Variants in KTI12 observed in about 807,000 individuals in gnomAD.
The protein encoded by KTI12 is KTI12 chromatin associated homolog.
Under a neutral mutation model 8.8 loss-of-function variants are expected in KTI12, and 8 were observed. That is an observed-to-expected ratio of 0.91 (90% CI 0.53 to 1.64). The LOEUF (loss-of-function observed/expected upper bound fraction) is 1.64, where lower values mean the gene tolerates loss of function less well. Ranked by LOEUF, KTI12 falls within the 40% of genes most tolerant of loss-of-function variation. The probability of loss-of-function intolerance (pLI) is 0.00; values close to 1 mark genes in which losing one functional copy is unlikely to be tolerated. For missense variants in KTI12, 490 were observed against 492.1 expected, an observed-to-expected ratio of 1.00 and a Z score of 0.04; for synonymous variants, 216 against 220.1, an observed-to-expected ratio of 0.98 and a Z score of 0.17.
Position 52,032,983 on chromosome 1 carries a change from G to A in KTI12, c.779C>T (p.Thr260Met). ...ENRAPPPHQS[T>M]QSQPLASGSF... is the part of the protein sequence containing the mutation. ...GCCGGAGGCGAGGGGCTGGGACTGC[G>A]TAGACTGATGGGGTGGTGGGGCCCG... The change falls in exon 1 of 1, where the codon ACG becomes ATG. Residue 260 changes from threonine (T) to methionine (M), a missense_variant. Physicochemically the swap from Thr to Met is moderately conservative, Grantham distance 81. Transcript: ENST00000371614. The A allele has an allele frequency of 1.9e-6, 3 of 1,570,656 alleles. No individual in the cohort carries two copies. The highest frequency in any genetic ancestry group is 2.6e-6 in the Non-Finnish European group (3 of 1,160,692).
chr1:52,032,270 T>C lies in KTI12; in HGVS notation c.*427A>G. 1 of 991,298 alleles carries C rather than the reference T, an allele frequency of 1.0e-6. No homozygotes were observed. The highest frequency in any genetic ancestry group is 1.2e-6 in the Non-Finnish European group (1 of 834,040). The allele number at this position is 991,298 out of a possible 1,614,324, so 61.4% of individuals were successfully genotyped here. A position where few individuals can be genotyped will look rare whatever the true frequency, so the allele number is the denominator to read the frequency against. On this transcript the variant is annotated 3_prime_UTR_variant, in exon 1 of 1. Coordinates refer to ENST00000371614, the MANE Select transcript of KTI12 (RefSeq NM_138417.3). ...GTACAGTACTCAAAAAATACTTTTG[T>C]GGTATGAAAAAAGGGCAGGTGCAGA...
rs1685803850 is a variant in KTI12, at chr1:52,033,126, T to C, written c.636A>G (p.Leu212=). ...AATCGGGAGCCTCAAAGCGCAGCGTTAGGGCCTCCAGGAGTTCGGGAGAGT... is the reference window on the plus strand; with the variant it reads ...AATCGGGAGCCTCAAAGCGCAGCGTCAGGGCCTCCAGGAGTTCGGGAGAGT... ...AFYSPELLEA[L]TLRFEAPDSR... The change falls in exon 1 of 1, where the codon CTA becomes CTG. Residue 212 remains leucine (L), a synonymous_variant. Coordinates refer to ENST00000371614, the MANE Select transcript of KTI12 (RefSeq NM_138417.3). The C allele has an allele frequency of 6.2e-7, 1 of 1,614,028 alleles. No homozygotes were observed. The highest frequency in any genetic ancestry group is 8.5e-7 in the Non-Finnish European group (1 of 1,180,008).
chr1:52,033,185 C>G lies in KTI12; in HGVS notation c.577G>C (p.Glu193Gln), dbSNP rs1359926865. 1 of 1,614,252 alleles carries G rather than the reference C, an allele frequency of 6.2e-7. No homozygotes were observed. Among genetic ancestry groups the G allele is most frequent in the South Asian group, 1.1e-5 (1 of 91,086 alleles). The change falls in exon 1 of 1, where the codon GAG becomes CAG. Residue 193 changes from glutamate to glutamine, a missense_variant. Physicochemically the swap from Glu to Gln is conservative, Grantham distance 29. Coordinates refer to ENST00000371614, the MANE Select transcript of KTI12 (RefSeq NM_138417.3). ...ESPALVTPDS[E>Q]KSAKHGSGAF... is the part of the protein sequence containing the mutation. ...CCGGACCCATGCTTTGCAGATTTCTCTGAATCCGGAGTCACAAGAGCTGGA... is the reference window on the plus strand; with the variant it reads ...CCGGACCCATGCTTTGCAGATTTCTGTGAATCCGGAGTCACAAGAGCTGGA...
rs1001940561 is a variant in KTI12, at chr1:52,032,566, G to C, written c.*131C>G. 1.6e-5 allele frequency: 22 copies of C among 1,413,718 alleles called. No individual in the cohort carries two copies. Among genetic ancestry groups the C allele is most frequent in the Middle Eastern group, 2.6e-4 (1 of 3,858 alleles). The allele number at this position is 1,413,718 out of a possible 1,614,324, so 87.6% of individuals were successfully genotyped here. A position where few individuals can be genotyped will look rare whatever the true frequency, so the allele number is the denominator to read the frequency against. On this transcript the variant is annotated 3_prime_UTR_variant, in exon 1 of 1. Transcript: ENST00000371614. ...GGCACAGGGGTATGCAGGAAAGTTTGAGTGAATCAGTCACAACAGCTCTAG... is the reference window on the plus strand; with the variant it reads ...GGCACAGGGGTATGCAGGAAAGTTTCAGTGAATCAGTCACAACAGCTCTAG...
rs752332612 is a variant in KTI12, at chr1:52,032,979, C to A, written c.783G>T (p.Gln261His). 1.9e-6 allele frequency: 3 copies of A among 1,568,320 alleles called. No homozygotes were observed. Among genetic ancestry groups the A allele is most frequent in the African/African-American group, 1.4e-5 (1 of 73,488 alleles). The change falls in exon 1 of 1, where the codon CAG becomes CAT. Residue 261 changes from glutamine to histidine, a missense_variant. Transcript: ENST00000371614. ...AGCTGCCGGAGGCGAGGGGCTGGGA[C>A]TGCGTAGACTGATGGGGTGGTGGGG... The part of the protein sequence containing the change: ...NRAPPPHQST[Q>H]SQPLASGSFL...
Position 52,033,449 on chromosome 1 carries a change from C to T in KTI12, c.313G>A (p.Val105Ile). Reference sequence around the variant, plus strand: ...GGGCCGCCGGGCCGTACGCAGTAGACCAGGCAGAGCGGGGTGCGCGCCGCC... The same window carrying T: ...GGGCCGCCGGGCCGTACGCAGTAGATCAGGCAGAGCGGGGTGCGCGCCGCC... The part of the protein sequence containing the change: ...ARAARTPLCL[V>I]YCVRPGGPIA... The change falls in exon 1 of 1, where the codon GTC becomes ATC. Residue 105 changes from valine (V) to isoleucine (I), a missense_variant. Transcript: ENST00000371614. The T allele has an allele frequency of 6.2e-7, 1 of 1,613,074 alleles. No homozygotes were observed. Among genetic ancestry groups the T allele is most frequent in the Non-Finnish European group, 8.5e-7 (1 of 1,179,516 alleles).
chr1:52,032,590 A>C lies in KTI12; in HGVS notation c.*107T>G. 1 of 1,473,166 alleles carries C rather than the reference A, an allele frequency of 6.8e-7. No individual in the cohort carries two copies. The highest frequency in any genetic ancestry group is 9.0e-7 in the Non-Finnish European group (1 of 1,115,500). The allele number at this position is 1,473,166 out of a possible 1,614,324, so 91.3% of individuals were successfully genotyped here. A position where few individuals can be genotyped will look rare whatever the true frequency, so the allele number is the denominator to read the frequency against. On this transcript the variant is annotated 3_prime_UTR_variant, in exon 1 of 1. Coordinates refer to ENST00000371614, the MANE Select transcript of KTI12 (RefSeq NM_138417.3). ...TGAGTGAATCAGTCACAACAGCTCT[A>C]GTACAGTACTGCATCGATATGCTCT...
rs1027692604 is a variant in KTI12, at chr1:52,032,648, A to G, written c.*49T>C. On this transcript the variant is annotated 3_prime_UTR_variant, in exon 1 of 1. Coordinates refer to ENST00000371614, the MANE Select transcript of KTI12 (RefSeq NM_138417.3). ...TGCAGCCTATTTTTCCCAGAGAAAT[A>G]AAGTGGAGTGGAGATCAGAAGCCAT... is the stretch of plus-strand genomic sequence containing the variant. 3.3e-6 allele frequency: 5 copies of G among 1,537,386 alleles called. No individual in the cohort carries two copies. Among genetic ancestry groups the G allele is most frequent in the Middle Eastern group, 1.8e-4 (1 of 5,558 alleles).
In KTI12 at chr1:52,033,501, G is replaced by A; in HGVS notation, c.261C>T (p.Phe87=). ...GTGCCAGGCAGTAGAGCTCGTAACG[G>A]AAACCTTTGATGTAGTTAAGCGAGT... is the stretch of plus-strand genomic sequence containing the variant. ...ILDSLNYIKG[F]RYELYCLARA... The change falls in exon 1 of 1, where the codon TTC becomes TTT. Residue 87 remains phenylalanine (F), a synonymous_variant. Transcript: ENST00000371614. The A allele has an allele frequency of 6.2e-7, 1 of 1,613,934 alleles. No individual in the cohort carries two copies. Among genetic ancestry groups the A allele is most frequent in the South Asian group, 1.1e-5 (1 of 91,090 alleles).
Position 52,033,207 on chromosome 1 carries a change from T to G in KTI12, c.555A>C (p.Pro185=), listed in dbSNP as rs1447291382. ...TCTCTGAATCCGGAGTCACAAGAGCTGGAGACTCCGCAGCCCCGGATTCTT... is the reference window on the plus strand; with the variant it reads ...TCTCTGAATCCGGAGTCACAAGAGCGGGAGACTCCGCAGCCCCGGATTCTT... The part of the protein sequence containing the change: ...EREESGAAES[P]ALVTPDSEKS... Residue 185 remains proline (P), a synonymous_variant, in exon 1 of 1, where the codon CCA becomes CCC. Coordinates refer to ENST00000371614, the MANE Select transcript of KTI12 (RefSeq NM_138417.3). 6.2e-7 allele frequency: 1 copy of G among 1,614,226 alleles called. No homozygotes were observed. The highest frequency in any genetic ancestry group is 1.1e-5 in the South Asian group (1 of 91,090).
At position 52,033,104 on chromosome 1, in the gene KTI12, C is replaced by T. The variant is rs1344606450; in HGVS notation, c.658G>A (p.Asp220Asn). The T allele has an allele frequency of 1.2e-6, 2 of 1,611,388 alleles. No individual in the cohort carries two copies. The highest frequency in any genetic ancestry group is 1.7e-5 in the Admixed American group (1 of 59,104). ...EALTLRFEAP[D>N]SRNRWDRPLF... is the part of the protein sequence containing the mutation. Reference sequence around the variant, plus strand: ...GGCCGGTCCCAGCGATTCCGAGAATCGGGAGCCTCAAAGCGCAGCGTTAGG... The same window carrying T: ...GGCCGGTCCCAGCGATTCCGAGAATTGGGAGCCTCAAAGCGCAGCGTTAGG... Residue 220 changes from aspartate to asparagine, a missense_variant, in exon 1 of 1, where the codon GAT becomes AAT. Transcript: ENST00000371614.
rs979654461 is a variant in KTI12 at position 52,033,116 on chromosome 1, A to C, written c.646T>G (p.Phe216Val). The C allele has an allele frequency of 6.2e-7, 1 of 1,613,114 alleles. No individual in the cohort carries two copies. Among genetic ancestry groups the C allele is most frequent in the African/African-American group, 1.3e-5 (1 of 74,852 alleles). The change falls in exon 1 of 1, where the codon TTT (phenylalanine) becomes GTT (valine). Residue 216 changes from phenylalanine (F) to valine (V), a missense_variant. Transcript: ENST00000371614. Reference sequence around the variant, plus strand: ...CGATTCCGAGAATCGGGAGCCTCAAAGCGCAGCGTTAGGGCCTCCAGGAGT... The same window carrying C: ...CGATTCCGAGAATCGGGAGCCTCAACGCGCAGCGTTAGGGCCTCCAGGAGT... The part of the protein sequence containing the change: ...PELLEALTLR[F>V]EAPDSRNRWD...
chr1:52,033,751 A>T lies in KTI12; in HGVS notation c.11T>A (p.Val4Glu). ...GCTGTACGGCAGCCCGCAAAACACC[A>T]CGAGCGGCATCCTCTCAGGGAGCGA... MPL[V>E]VFCGLPYSGK... The change falls in exon 1 of 1, where the codon GTG (valine) becomes GAG (glutamate). Residue 4 changes from valine (V) to glutamate (E), a missense_variant. Coordinates refer to ENST00000371614, the MANE Select transcript of KTI12 (RefSeq NM_138417.3). 1 of 1,598,594 alleles carries T rather than the reference A, an allele frequency of 6.3e-7. No individual in the cohort carries two copies. Among genetic ancestry groups the T allele is most frequent in the Non-Finnish European group, 8.5e-7 (1 of 1,171,628 alleles).
At position 52,033,368 on chromosome 1, in the gene KTI12, C is replaced by T. The variant is rs561778300; in HGVS notation, c.394G>A (p.Val132Met). The T allele has an allele frequency of 3.1e-6, 5 of 1,613,668 alleles. No homozygotes were observed. Among genetic ancestry groups the T allele is most frequent in the Non-Finnish European group, 4.2e-6 (5 of 1,180,024 alleles). ...ANENPGRNVSVSWRPRAEEDG... is the reference protein window; with the variant it reads ...ANENPGRNVSMSWRPRAEEDG... ...TCCTCAGCGCGTGGCCGCCAACTCA[C>T]ACTGACGTTCCGGCCAGGGTTCTCG... The change falls in exon 1 of 1, where the codon GTG becomes ATG. Residue 132 changes from valine (V) to methionine (M), a missense_variant. By Grantham distance (21) the Val-to-Met change is conservative (BLOSUM62 1). Transcript: ENST00000371614.
Position 52,032,118 on chromosome 1 carries a change from G to T in KTI12, c.*579C>A, listed in dbSNP as rs932149638. The stretch of plus-strand genomic sequence containing the variant: ...GAGATTCCAGTAGACTATTTTAAAA[G>T]ATTTTATTAGAGGAAATAATCTAGT... On this transcript the variant is annotated 3_prime_UTR_variant, in exon 1 of 1. Coordinates refer to ENST00000371614, the MANE Select transcript of KTI12 (RefSeq NM_138417.3). 2.8e-5 allele frequency: 27 copies of T among 956,628 alleles called. No homozygotes were observed. The highest frequency in any genetic ancestry group is 5.3e-5 in the African/African-American group (3 of 56,602). The allele number at this position is 956,628 out of a possible 1,614,324, so 59.3% of individuals were successfully genotyped here.
Position 52,033,680 on chromosome 1 carries a change from C to A in KTI12, c.82G>T (p.Glu28Ter). 1 of 1,610,906 alleles carries A rather than the reference C, an allele frequency of 6.2e-7. No individual in the cohort carries two copies. Among genetic ancestry groups the A allele is most frequent in the Non-Finnish European group, 8.5e-7 (1 of 1,179,660 alleles). Reference protein sequence around the residue: ...AEELRVALAAEGRAVYVVDDA... With the variant: ...AEELRVALAA ...TCCACCACGTACACCGCGCGGCCCT[C>A]GGCAGCCAGCGCCACGCGCAACTCT... Residue 28 changes from glutamate to a stop codon, truncating the protein, a stop_gained, in exon 1 of 1, where the codon GAG becomes TAG. Transcript: ENST00000371614. LOFTEE classifies it low-confidence loss of function (END_TRUNC).
rs1248765537 is a variant in KTI12 at position 52,033,775 on chromosome 1, G to A, written c.-14C>T. ...CACGAGCGGCATCCTCTCAGGGAGC[G>A]ACCATTGGCAACCGCGCTGCGCCAA... On this transcript the variant is annotated 5_prime_UTR_variant, in exon 1 of 1. Transcript: ENST00000371614. 6 of 1,560,896 alleles carry A rather than the reference G, an allele frequency of 3.8e-6. No individual in the cohort carries two copies. Among genetic ancestry groups the A allele is most frequent in the Non-Finnish European group, 5.2e-6 (6 of 1,152,204 alleles).
rs1295022961 is a variant in KTI12 at position 52,033,268 on chromosome 1, C to T, written c.494G>A (p.Ser165Asn). 6.2e-7 allele frequency: 1 copy of T among 1,613,824 alleles called. No homozygotes were observed. The highest frequency in any genetic ancestry group is 8.5e-7 in the Non-Finnish European group (1 of 1,179,944). ...TTCCTTGGGTACGTCGGCCTGGGCA[C>T]TTCCATTTACTACAGAGTCCGCAGT... ...LHTADSVVNG[S>N]AQADVPKELE... is the part of the protein sequence containing the mutation. The change falls in exon 1 of 1, where the codon AGT becomes AAT. Residue 165 changes from serine (S) to asparagine (N), a missense_variant. By Grantham distance (46) the Ser-to-Asn change is conservative. Transcript: ENST00000371614.
rs1436918677 is a variant in KTI12 at position 52,033,120 on chromosome 1, C to T, written c.642G>A (p.Leu214=). Residue 214 remains leucine (L), a synonymous_variant, in exon 1 of 1, where the codon CTG becomes CTA. Transcript: ENST00000371614. The part of the protein sequence containing the change: ...YSPELLEALT[L]RFEAPDSRNR... ...TCCGAGAATCGGGAGCCTCAAAGCG[C>T]AGCGTTAGGGCCTCCAGGAGTTCGG... is the stretch of plus-strand genomic sequence containing the variant. 6.2e-7 allele frequency: 1 copy of T among 1,613,172 alleles called. No individual in the cohort carries two copies. Among genetic ancestry groups the T allele is most frequent in the Non-Finnish European group, 8.5e-7 (1 of 1,179,826 alleles).
Sources: gnomAD v4.1 joint callset for allele counts on GRCh38, gnomAD v4.1.1 for gene constraint, MANE v1.5 for transcripts, NCBI Gene and HGNC (gene_info 2026-07-23, HGNC 2026-07-21) for gene names.